CACNA2D3: variants seen among roughly 807,000 people sequenced by gnomAD.
CACNA2D3 encodes voltage-dependent calcium channel subunit alpha-2/delta-3.
Under a neutral mutation model 160.6 loss-of-function variants are expected in CACNA2D3, and 60 were observed. The observed-to-expected ratio is 0.37, with a 90% confidence interval of 0.30 to 0.46. The LOEUF (loss-of-function observed/expected upper bound fraction) is 0.46. CACNA2D3 is among the 20% of genes least tolerant of loss of function. The pLI, the probability that CACNA2D3 is intolerant of heterozygous loss-of-function variation, is 1.00. For synonymous variants in CACNA2D3, 558 were observed against 492.9 expected (o/e 1.13, Z -1.75); for missense variants, 1,205 against 1,365.0 (o/e 0.88, Z 1.85).
intron 2 of CACNA2D3, among the ~76,000 whole-genome samples, chr3:54,142,246 C>T (rs1017611250): frequency 6.6e-6 from 1 of 152,220 alleles, no homozygotes; most frequent in African/African-American, 2.4e-5. Context: ...GTACTTTCTT[C>T]TTGGCCCTTC....
At chr3:54,850,466 T>G (rs576784876) in intron 17 of CACNA2D3, among the ~76,000 whole-genome samples, 2 of 152,380 alleles carry the variant, frequency 1.3e-5, no homozygotes, top group African/African-American at 4.8e-5. Flanking sequence ...TTTTGTTTTC[T>G]TGCTTTTTAT....
chr3:54,907,974 T>C lies in CACNA2D3; in HGVS notation c.2449+8106T>C, dbSNP rs942996166. ...AACATTTAGCACATCCATTCATAAG[T>C]TGATGGATGCTTTTTTAGCTGTTAG... On this transcript the variant is annotated intron_variant, in intron 27 of 37. Coordinates refer to ENST00000474759, the MANE Select transcript of CACNA2D3 (RefSeq NM_018398.3). 2.6e-5 allele frequency among the ~76,000 whole-genome samples: 4 copies of C among 152,220 alleles called. No individual in the cohort carries two copies. In the South Asian group the frequency reaches 6.2e-4, roughly 24 times the overall value.
chr3:54,201,952 T>C lies in CACNA2D3; in HGVS notation c.204+78358T>C, dbSNP rs553786770. On this transcript the variant is annotated intron_variant, in intron 2 of 37. Coordinates refer to ENST00000474759, the MANE Select transcript of CACNA2D3 (RefSeq NM_018398.3). ...TAATGAACAGTTTTCTGTTCATTAA[T>C]GGGGTTGCCAGATTAAAGAAATTAA... Among the ~76,000 whole-genome samples, 197 of 152,348 alleles carry C rather than the reference T, an allele frequency of 1.3e-3. 1 individual carries two copies. Among genetic ancestry groups the C allele is most frequent in the East Asian group, 3.3e-3 (17 of 5,194 alleles).
intron 11 of CACNA2D3, among the ~76,000 whole-genome samples, chr3:54,683,870 G>T (rs75727510): frequency 0.14 from 21,502 of 151,820 alleles, 1,743 homozygotes; most frequent in South Asian, 0.27. Context: ...AGTAACCCTT[G>T]GTGTTCCTTG....
chr3:54,989,961 C>T (rs901567226), intron 31 of CACNA2D3, among the ~76,000 whole-genome samples: 3 of 152,168 alleles, frequency 2.0e-5, no homozygotes, highest in African/African-American at 7.2e-5. Flanking sequence ...ATAAGGTTGA[C>T]ACTCCTGTCA....
At chr3:54,472,694 G>C (rs1296181629) in intron 4 of CACNA2D3, among the ~76,000 whole-genome samples, 1 of 152,124 alleles carries the variant, frequency 6.6e-6, no homozygotes, top group Non-Finnish European at 1.5e-5. Flanking sequence ...AAAGTCTCAG[G>C]ATACAAAATC....
intron 3 of CACNA2D3, among the ~76,000 whole-genome samples, chr3:54,371,929 A>G (rs1575420152): frequency 6.6e-6 from 1 of 152,368 alleles, no homozygotes; most frequent in Middle Eastern, 3.4e-3. Context: ...TTTAATATGA[A>G]TAATTATTTG....
intron 3 of CACNA2D3, among the ~76,000 whole-genome samples, chr3:54,349,761 G>C: frequency 6.6e-6 from 1 of 152,146 alleles, no homozygotes; most frequent in Non-Finnish European, 1.5e-5. Flanking sequence ...AGGGGATGTA[G>C]TGCGCATCTG....
chr3:54,688,979 CAAAAAAAAAAAAAA>C (rs1162900126), intron 11 of CACNA2D3, among the ~76,000 whole-genome samples: 5 of 31,420 alleles, frequency 1.6e-4, no homozygotes, highest in African/African-American at 2.2e-4. Context: ...GAGACTGTCT[CAAAAAAAAAAAAAA>C]AAAAAAAAAA....
chr3:54,778,668 C>G (rs942786382), intron 13 of CACNA2D3, among the ~76,000 whole-genome samples: 1 of 152,152 alleles, frequency 6.6e-6, no homozygotes, highest in Non-Finnish European at 1.5e-5. Flanking sequence ...GGTTAACTGT[C>G]GCATCCTCAA....
chr3:54,263,675 T>G (rs1214752043), intron 2 of CACNA2D3, among the ~76,000 whole-genome samples: 1 of 152,168 alleles, frequency 6.6e-6, no homozygotes, highest in African/African-American at 2.4e-5. Flanking sequence ...GTTTCTCAGT[T>G]TATTGATACA....
At chr3:54,604,668 C>G (rs1703131450) in intron 9 of CACNA2D3, among the ~76,000 whole-genome samples, 1 of 152,178 alleles carries the variant, frequency 6.6e-6, no homozygotes, top group Non-Finnish European at 1.5e-5. Context: ...CACTCCACTG[C>G]TCTCACCCTG....
intron 11 of CACNA2D3, among the ~76,000 whole-genome samples, chr3:54,740,737 CAG>C (rs1443653594): frequency 3.3e-5 from 5 of 152,130 alleles, no homozygotes; most frequent in Admixed American, 3.3e-4. Flanking sequence ...GGTGAGGTGA[CAG>C]GGGAAACTGC....
chr3:54,763,896 TGGG>T (rs34005090), intron 12 of CACNA2D3, among the ~76,000 whole-genome samples: 31,958 of 56,002 alleles, frequency 0.57, 12,990 homozygotes, highest in Middle Eastern at 0.67. Flanking sequence ...TATATGTATG[TGGG>T]GGGGGGGGGT....
chr3:54,575,368 G>A (rs543309554), intron 8 of CACNA2D3, among the ~76,000 whole-genome samples: 9 of 152,032 alleles, frequency 5.9e-5, no homozygotes, highest in Non-Finnish European at 1.2e-4. Flanking sequence ...TTATTTACCT[G>A]TTTTTTGAAG....
At chr3:54,809,897 G>A (rs547128053) in intron 13 of CACNA2D3, among the ~76,000 whole-genome samples, 7 of 152,054 alleles carry the variant, frequency 4.6e-5, no homozygotes, top group African/African-American at 7.2e-5. Flanking sequence ...ACAGTCCCTC[G>A]GTAGATCTTA....
intron 13 of CACNA2D3, among the ~76,000 whole-genome samples, chr3:54,800,796 G>A (rs1462553771): frequency 2.0e-5 from 3 of 152,132 alleles, no homozygotes; most frequent in African/African-American, 7.2e-5. Flanking sequence ...ATGACCTTCA[G>A]TGACCAGTCC....
At chr3:54,478,952 C>T (rs147066475) in intron 4 of CACNA2D3, among the ~76,000 whole-genome samples, 275 of 151,548 alleles carry the variant, frequency 1.8e-3, no homozygotes, top group Non-Finnish European at 3.3e-3. Flanking sequence ...ATATAAAAAA[C>T]CCATCTCATA....
intron 5 of CACNA2D3, among the ~76,000 whole-genome samples, chr3:54,520,875 T>G (rs906280998): frequency 2.6e-5 from 4 of 152,246 alleles, no homozygotes; most frequent in Non-Finnish European, 4.4e-5. Flanking sequence ...TGTGAGCTTT[T>G]GTGACTGGCT....
Sources: allele counts gnomAD v4.1 joint callset (sites outside exome capture counted in the v4.1 genomes callset), GRCh38; gene constraint gnomAD v4.1.1; transcripts MANE v1.5; gene names NCBI Gene and HGNC (gene_info 2026-07-23, HGNC 2026-07-21).